Variants in SUPT3H observed in about 807,000 individuals in gnomAD.
The protein encoded by SUPT3H is SPT3 homolog, SAGA and STAGA complex component, also known as transcription initiation protein SPT3 homolog.
SUPT3H carries 44 observed loss-of-function variants against 44.3 expected under a neutral mutation model. The observed-to-expected ratio is 0.99, with a 90% CI of 0.78 to 1.28. SUPT3H has a LOEUF of 1.28. Ranked by LOEUF, SUPT3H falls within the 50% of genes most tolerant of loss-of-function variation. The pLI, the probability that SUPT3H is intolerant of heterozygous loss-of-function variation, is 0.00. For synonymous variants in SUPT3H, 124 were observed against 125.6 expected (o/e 0.99, Z 0.09); for missense variants, 380 against 387.1 (o/e 0.98, Z 0.15).
At chr6:45,122,246 A>G (rs1474577265) in intron 2 of SUPT3H, among the ~76,000 whole-genome samples, 1 of 152,142 alleles carries the variant, frequency 6.6e-6, no homozygotes, top group Non-Finnish European at 1.5e-5. Flanking sequence ...GGGAGTGGAA[A>G]AGTAACAAGG....
chr6:45,310,562 G>A (rs1009910531), intron 2 of SUPT3H, among the ~76,000 whole-genome samples: 3 of 152,146 alleles, frequency 2.0e-5, no homozygotes, highest in Non-Finnish European at 4.4e-5. Flanking sequence ...ACAGGCACTG[G>A]TATCCACTGC....
intron 2 of SUPT3H, among the ~76,000 whole-genome samples, chr6:45,217,555 C>T (rs1225144482): frequency 1.3e-5 from 2 of 151,990 alleles, no homozygotes; most frequent in Admixed American, 1.3e-4. Flanking sequence ...ATACCCTAAG[C>T]AACTACTAGG....
At chr6:44,861,545 C>T (rs1230620469) in intron 10 of SUPT3H, among the ~76,000 whole-genome samples, 1 of 152,066 alleles carries the variant, frequency 6.6e-6, no homozygotes, top group Non-Finnish European at 1.5e-5. Flanking sequence ...TGCCATCACG[C>T]CCAGCTAATT....
intron 3 of SUPT3H, among the ~76,000 whole-genome samples, chr6:45,104,123 T>C (rs1408961235): frequency 6.6e-6 from 1 of 152,010 alleles, no homozygotes; most frequent in Non-Finnish European, 1.5e-5. Context: ...GCAACTAAAA[T>C]CTGTGAGAAG....
chr6:45,115,754 A>G (rs973707368), intron 2 of SUPT3H, among the ~76,000 whole-genome samples: 17 of 152,324 alleles, frequency 1.1e-4, no homozygotes, highest in Non-Finnish European at 2.1e-4. Flanking sequence ...CTTTTTAAAA[A>G]TGCACTTACA....
At chr6:45,279,211 T>A (rs1432572216) in intron 2 of SUPT3H, among the ~76,000 whole-genome samples, 1 of 152,204 alleles carries the variant, frequency 6.6e-6, no homozygotes, top group African/African-American at 2.4e-5. Context: ...AATTATGACA[T>A]CTGCAAAATA....
intron 3 of SUPT3H, among the ~76,000 whole-genome samples, chr6:45,105,443 TAC>T (rs1392461326): frequency 5.3e-5 from 8 of 152,096 alleles, no homozygotes; most frequent in Non-Finnish European, 1.0e-4. Context: ...TTTTTGTGGG[TAC>T]AGAGTAGGTG....
intron 2 of SUPT3H, among the ~76,000 whole-genome samples, chr6:45,320,870 T>C (rs943810150): frequency 6.6e-6 from 1 of 152,176 alleles, no homozygotes; most frequent in African/African-American, 2.4e-5. Context: ...ATAAACAATT[T>C]AGTAGTATTA....
At chr6:45,043,800 T>G (rs972124432) in intron 3 of SUPT3H, among the ~76,000 whole-genome samples, 7 of 152,186 alleles carry the variant, frequency 4.6e-5, no homozygotes, top group Non-Finnish European at 7.3e-5. Flanking sequence ...CTTTCACTAA[T>G]TTCAAATTTA....
Position 45,365,233 on chromosome 6 carries a change from A to G in SUPT3H, c.69T>C (p.Ser23=). The part of the protein sequence containing the change: ...TSSSGRSTGK[S]ISFATELQSM... The stretch of plus-strand genomic sequence containing the variant: ...TCTGTAATTCTGTTGCAAAGCTTAT[A>G]GACTTCCCTGTACTCCTTCCACTAC... The change falls in exon 2 of 11, where the codon TCT becomes TCC. Residue 23 remains serine (S), a synonymous_variant. Coordinates refer to ENST00000371459, the MANE Select transcript of SUPT3H (RefSeq NM_003599.4). 1.9e-6 allele frequency: 3 copies of G among 1,612,280 alleles called. No individual in the cohort carries two copies. The highest frequency in any genetic ancestry group is 2.5e-6 in the Non-Finnish European group (3 of 1,178,926).
intron 2 of SUPT3H, among the ~76,000 whole-genome samples, chr6:45,230,687 TTTTTG>T (rs1767874699): frequency 1.0e-5 from 1 of 99,692 alleles, no homozygotes; most frequent in Non-Finnish European, 2.0e-5. Flanking sequence ...TATATATATA[TTTTTG>T]AGATGGAGTC....
intron 2 of SUPT3H, among the ~76,000 whole-genome samples, chr6:45,110,699 T>C (rs1028903321): frequency 3.9e-5 from 6 of 152,172 alleles, no homozygotes; most frequent in Admixed American, 6.5e-5. Context: ...ACTCTTTTAA[T>C]CTCTCTATAA....
chr6:45,085,886 T>C (rs982807577), intron 3 of SUPT3H, among the ~76,000 whole-genome samples: 1 of 152,074 alleles, frequency 6.6e-6, no homozygotes, highest in Non-Finnish European at 1.5e-5. Flanking sequence ...CAACGGCTTA[T>C]TAGGTAGAAA....
intron 2 of SUPT3H, chr6:45,361,559 C>T (rs1164930346): frequency 6.6e-6 from 1 of 152,200 alleles, no homozygotes; most frequent in African/African-American, 2.4e-5. Flanking sequence ...AAAGATTTCA[C>T]TTTCAAATTT....
downstream of SUPT3H, among the ~76,000 whole-genome samples, chr6:44,824,595 A>AACTT (rs1236772073): frequency 1.3e-5 from 2 of 152,160 alleles, no homozygotes; most frequent in African/African-American, 4.8e-5. Context: ...AGGCAGAACA[A>AACTT]ACTTAGGGTT....
intron 2 of SUPT3H, among the ~76,000 whole-genome samples, chr6:45,300,336 A>G (rs1781951288): frequency 1.3e-5 from 2 of 152,214 alleles, no homozygotes; most frequent in Admixed American, 1.3e-4. Flanking sequence ...TGATTCTCAC[A>G]ATAATGTTAA....
intron 2 of SUPT3H, among the ~76,000 whole-genome samples, chr6:45,350,753 T>C (rs1341928057): frequency 6.6e-6 from 1 of 152,196 alleles, no homozygotes; most frequent in Non-Finnish European, 1.5e-5. Context: ...GCTCTTTTTG[T>C]CAGCTAAATG....
chr6:44,853,230 G>A (rs1581997291), intron 10 of SUPT3H, among the ~76,000 whole-genome samples: 1 of 152,200 alleles, frequency 6.6e-6, no homozygotes, highest in African/African-American at 2.4e-5. Context: ...AAGTCACACA[G>A]TTGCTAAGTG....
intron 11 of SUPT3H, among the ~76,000 whole-genome samples, chr6:44,820,927 T>C (rs748838781): frequency 6.6e-6 from 1 of 152,146 alleles, no homozygotes; most frequent in Non-Finnish European, 1.5e-5. Context: ...CCTAGCTCAG[T>C]GCTGCCTTGA....
Sources: allele counts gnomAD v4.1 joint callset (sites outside exome capture counted in the v4.1 genomes callset), GRCh38; gene constraint gnomAD v4.1.1; transcripts MANE v1.5; gene names NCBI Gene and HGNC (gene_info 2026-07-23, HGNC 2026-07-21).